The following SGCZ variants were observed in gnomAD, a reference collection of about 807,000 sequenced individuals.
The protein encoded by SGCZ is sarcoglycan zeta.
A neutral mutation model predicts 41.3 loss-of-function variants in SGCZ; 40 were observed. The observed-to-expected ratio is 0.97, with a 90% CI of 0.75 to 1.26. The LOEUF is 1.26. Ranked by LOEUF, SGCZ falls within the 50% of genes most tolerant of loss-of-function variation. SGCZ has a pLI of 0.00. For missense variants in SGCZ, 552 were observed against 369.8 expected (o/e 1.49, Z -4.04); for synonymous variants, 206 against 137.5 (o/e 1.50, Z -3.49).
intron 3 of SGCZ, among the ~76,000 whole-genome samples, chr8:14,305,148 T>G (rs1438609401): frequency 6.6e-6 from 1 of 152,178 alleles, no homozygotes; most frequent in Non-Finnish European, 1.5e-5. Context: ...TTCATTTTAA[T>G]ATAACATTAA....
chr8:14,470,674 A>T (rs1215018060), intron 2 of SGCZ, among the ~76,000 whole-genome samples: 2 of 152,182 alleles, frequency 1.3e-5, no homozygotes, highest in Non-Finnish European at 2.9e-5. Context: ...GGAGATAATC[A>T]GTAATTAAAC....
intron 2 of SGCZ, among the ~76,000 whole-genome samples, chr8:14,392,628 C>T (rs912613301): frequency 6.6e-6 from 1 of 152,118 alleles, no homozygotes; most frequent in African/African-American, 2.4e-5. Context: ...CATTTTATAA[C>T]ATAGGCAGAT....
intron 1 of SGCZ, among the ~76,000 whole-genome samples, chr8:15,102,395 A>G (rs117116189): frequency 0.014 from 2,118 of 152,256 alleles, 55 homozygotes; most frequent in East Asian, 0.11. Context: ...GATAGAAAAT[A>G]TGAGTTTTTA....
intron 1 of SGCZ, among the ~76,000 whole-genome samples, chr8:14,736,011 G>A (rs1276007322): frequency 1.3e-5 from 2 of 152,006 alleles, no homozygotes; most frequent in Admixed American, 1.3e-4. Flanking sequence ...TTGTAAGCAG[G>A]CTGAGACCTA....
chr8:14,215,954 G>C (rs1015579339), intron 4 of SGCZ, among the ~76,000 whole-genome samples: 2 of 152,322 alleles, frequency 1.3e-5, no homozygotes, highest in East Asian at 3.9e-4. Context: ...AGTGGGCTAG[G>C]GGACCAGGCC....
intron 1 of SGCZ, among the ~76,000 whole-genome samples, chr8:15,029,289 G>A (rs1213561392): frequency 6.6e-6 from 1 of 151,962 alleles, no homozygotes; most frequent in Non-Finnish European, 1.5e-5. Context: ...ATTAGCAGTG[G>A]ATTTTATATA....
chr8:15,131,901 CATG>C (rs1258245102), intron 1 of SGCZ, among the ~76,000 whole-genome samples: 2 of 152,182 alleles, frequency 1.3e-5, no homozygotes, highest in Non-Finnish European at 2.9e-5. Context: ...TTTCCTATTT[CATG>C]ATAAGACATC....
intron 5 of SGCZ, among the ~76,000 whole-genome samples, chr8:14,117,356 G>GGTTTT: frequency 7.0e-6 from 1 of 143,446 alleles, no homozygotes; most frequent in African/African-American, 2.6e-5. Flanking sequence ...AATAGGTAGT[G>GGTTTT]TTTTTTTTTT....
At chr8:14,234,184 G>C (rs1314485393) in intron 4 of SGCZ, among the ~76,000 whole-genome samples, 1 of 151,940 alleles carries the variant, frequency 6.6e-6, no homozygotes, top group East Asian at 1.9e-4. Context: ...TTTTTGTTAG[G>C]CTTGAGCCAG....
chr8:15,235,223 G>A (rs1017102747), intron 1 of SGCZ, among the ~76,000 whole-genome samples: 8 of 152,122 alleles, frequency 5.3e-5, no homozygotes, highest in African/African-American at 1.9e-4. Flanking sequence ...TATTCCACGC[G>A]CACTGCATCC....
intron 1 of SGCZ, among the ~76,000 whole-genome samples, chr8:15,183,619 T>A (rs999620758): frequency 6.6e-6 from 1 of 152,220 alleles, no homozygotes; most frequent in Non-Finnish European, 1.5e-5. Flanking sequence ...AAAGCCAAAA[T>A]GATCCTATGA....
At chr8:14,451,087 T>C (rs556148874) in intron 2 of SGCZ, among the ~76,000 whole-genome samples, 3 of 152,282 alleles carry the variant, frequency 2.0e-5, no homozygotes, top group Middle Eastern at 3.4e-3. Flanking sequence ...AGCAATTTCA[T>C]AGTTAGGAAA....
At chr8:14,754,944 T>C (rs1196658337) in intron 1 of SGCZ, among the ~76,000 whole-genome samples, 1 of 152,148 alleles carries the variant, frequency 6.6e-6, no homozygotes, top group Admixed American at 6.5e-5. Flanking sequence ...TTGCCCAGAA[T>C]GGTCTCAATT....
At chr8:14,933,126 A>T (rs1214787986) in intron 1 of SGCZ, among the ~76,000 whole-genome samples, 1 of 152,004 alleles carries the variant, frequency 6.6e-6, no homozygotes, top group African/African-American at 2.4e-5. Flanking sequence ...CCTAGGTAAC[A>T]TAGTGTTTGG....
chr8:14,588,148 C>A (rs578256856), intron 1 of SGCZ, among the ~76,000 whole-genome samples: 4 of 150,904 alleles, frequency 2.7e-5, no homozygotes, highest in African/African-American at 7.3e-5. Context: ...TGTTATTAGA[C>A]CAAATTAGAA....
intron 5 of SGCZ, 135 bp downstream of exon 5, chr8:14,164,445 T>C (rs527300372): frequency 3.8e-5 from 40 of 1,065,790 alleles, no homozygotes; most frequent in African/African-American, 1.6e-4. Flanking sequence ...TGAAGGCTAC[T>C]TGAAGAACAA....
chr8:14,824,294 C>T (rs1052176966), intron 1 of SGCZ, among the ~76,000 whole-genome samples: 1 of 152,088 alleles, frequency 6.6e-6, no homozygotes, highest in East Asian at 1.9e-4. Flanking sequence ...GGGATGGATA[C>T]ACTGACTACC....
At chr8:14,152,020 T>C (rs1035534191) in intron 5 of SGCZ, among the ~76,000 whole-genome samples, 2 of 152,118 alleles carry the variant, frequency 1.3e-5, no homozygotes, top group Non-Finnish European at 2.9e-5. Context: ...TATGTAGAGT[T>C]AGGCACATAG....
chr8:14,726,417 T>C (rs1301988743), intron 1 of SGCZ, among the ~76,000 whole-genome samples: 1 of 146,842 alleles, frequency 6.8e-6, no homozygotes, highest in Non-Finnish European at 1.5e-5. Flanking sequence ...AGATTAAAAA[T>C]AAAAGAGTAG....
Sources: allele counts gnomAD v4.1 joint callset (sites outside exome capture counted in the v4.1 genomes callset), GRCh38; gene constraint gnomAD v4.1.1; transcripts MANE v1.5; gene names NCBI Gene and HGNC (gene_info 2026-07-23, HGNC 2026-07-21).